Variants in CRYL1 observed in about 807,000 individuals in gnomAD.
The protein encoded by CRYL1 is lambda-crystallin homolog.
A neutral mutation model predicts 36.6 loss-of-function variants in CRYL1; 29 were observed. The observed-to-expected ratio is 0.79, with a 90% CI of 0.59 to 1.08. The LOEUF (loss-of-function observed/expected upper bound fraction) is 1.08, where lower values mean the gene tolerates loss of function less well. Ranked by LOEUF, CRYL1 falls within the 50% of genes least tolerant of loss-of-function variation. The pLI is 0.00. For synonymous variants in CRYL1, 152 were observed against 151.5 expected, an observed-to-expected ratio of 1.00 and a Z score of -0.02; for missense variants, 411 against 407.9, an observed-to-expected ratio of 1.01 and a Z score of -0.06.
intron 5 of CRYL1, chr13:20,431,036 C>T (rs773612148): frequency 4.1e-6 from 4 of 985,294 alleles, no homozygotes; most frequent in Non-Finnish European, 3.6e-6. Context: ...TCGAGGCAAC[C>T]GCGTGGCAAA....
chr13:20,446,371 C>T (rs1314822717), intron 3 of CRYL1, among the ~76,000 whole-genome samples: 1 of 152,184 alleles, frequency 6.6e-6, no homozygotes, highest in Non-Finnish European at 1.5e-5. Context: ...CTTGGTCTCC[C>T]AAAGTGCTGG....
chr13:20,447,552 A>G (rs1011056620), intron 3 of CRYL1, among the ~76,000 whole-genome samples: 2 of 152,036 alleles, frequency 1.3e-5, no homozygotes, highest in Admixed American at 1.3e-4. Flanking sequence ...ATTAGGTAAA[A>G]AGTAACAGAA....
At chr13:20,489,531 T>C in intron 2 of CRYL1, 35 bp from the exon 3 acceptor site, 1 of 1,608,614 alleles carries the variant, frequency 6.2e-7, no homozygotes, top group Non-Finnish European at 8.5e-7. Context: ...CTGTGAGTAT[T>C]CAACACCACA....
chr13:20,460,568 C>T (rs955656890), intron 3 of CRYL1, among the ~76,000 whole-genome samples: 3 of 117,614 alleles, frequency 2.6e-5, no homozygotes, highest in African/African-American at 9.8e-5. Flanking sequence ...CTCTGTCGCC[C>T]AGGCTGGAGT....
chr13:20,483,448 T>C (rs950073945), intron 3 of CRYL1, among the ~76,000 whole-genome samples: 2 of 151,768 alleles, frequency 1.3e-5, no homozygotes, highest in Admixed American at 1.3e-4. Context: ...GGACTGACCA[T>C]ATCATCAACA....
intron 3 of CRYL1, among the ~76,000 whole-genome samples, chr13:20,466,991 A>G (rs7323766): frequency 0.96 from 145,638 of 151,524 alleles, 70,253 homozygotes; most frequent in East Asian, 1. Flanking sequence ...TCTGTTGCCC[A>G]GGCTGGAGTG....
chr13:20,487,637 G>T (rs923999425), intron 3 of CRYL1, among the ~76,000 whole-genome samples: 1 of 152,042 alleles, frequency 6.6e-6, no homozygotes, highest in Admixed American at 6.6e-5. Flanking sequence ...CTCACGGCTG[G>T]GAACAGTGGT....
At chr13:20,404,352 A>C (rs1213956471) in intron 7 of CRYL1, 110 bp from the exon 8 acceptor site, 6 of 739,994 alleles carry the variant, frequency 8.1e-6, no homozygotes, top group Non-Finnish European at 1.4e-5. Flanking sequence ...TTCAAAGACA[A>C]AAGCAATAAA....
chr13:20,434,567 C>G (rs1185600247), intron 4 of CRYL1, among the ~76,000 whole-genome samples: 1 of 135,738 alleles, frequency 7.4e-6, no homozygotes, highest in African/African-American at 2.7e-5. Context: ...CTGGTCACTC[C>G]CCCCACCCAC....
At chr13:20,494,023 G>C (rs1398639430) in intron 2 of CRYL1, among the ~76,000 whole-genome samples, 1 of 152,150 alleles carries the variant, frequency 6.6e-6, no homozygotes, top group Non-Finnish European at 1.5e-5. Flanking sequence ...AGCCTGAAAG[G>C]GCCTAGCGCA....
chr13:20,480,324 T>C (rs1056519046), intron 3 of CRYL1, among the ~76,000 whole-genome samples: 1 of 150,608 alleles, frequency 6.6e-6, no homozygotes, highest in Non-Finnish European at 1.5e-5. Flanking sequence ...GAGGTTGCAG[T>C]AAGCCAAGAT....
Position 20,404,665 on chromosome 13 carries a change from A to C in CRYL1, c.816T>G (p.Phe272Leu). The C allele has an allele frequency of 6.2e-7, 1 of 1,613,864 alleles. No individual in the cohort carries two copies. Among genetic ancestry groups the C allele is most frequent in the Non-Finnish European group, 8.5e-7 (1 of 1,179,724 alleles). Residue 272 changes from phenylalanine (F) to leucine (L), a missense_variant, in exon 7 of 8, where the codon TTT becomes TTG. Coordinates refer to ENST00000298248, the MANE Select transcript of CRYL1 (RefSeq NM_015974.3). ...VLQTFGPIPEFSRATAEKVNQ... is the reference protein window; with the variant it reads ...VLQTFGPIPELSRATAEKVNQ... Reference sequence around the variant, plus strand: ...TAACCTTCTCAGCAGTGGCCCTGGAAAACTCTGGAATGGGTCCAAAAGTCT... The same window carrying C: ...TAACCTTCTCAGCAGTGGCCCTGGACAACTCTGGAATGGGTCCAAAAGTCT...
In CRYL1 at chr13:20,417,535, G is replaced by T. The variant is rs191692139; in HGVS notation, c.634-4148C>A. Among the ~76,000 whole-genome samples, 143 of 152,216 alleles carry T rather than the reference G, an allele frequency of 9.4e-4. No homozygotes were observed. In the East Asian group the frequency reaches 0.021, roughly 22 times the overall value. ...TCTCAAGTCACACATACAAAGAAAAGATTATTTAAAAATCATACAAAGCAA... is the reference window on the plus strand; with the variant it reads ...TCTCAAGTCACACATACAAAGAAAATATTATTTAAAAATCATACAAAGCAA... On this transcript the variant is annotated intron_variant, in intron 5 of 7. Transcript: ENST00000298248.
intron 3 of CRYL1, among the ~76,000 whole-genome samples, chr13:20,445,444 C>T (rs1429243816): frequency 6.6e-6 from 1 of 152,206 alleles, no homozygotes; most frequent in African/African-American, 2.4e-5. Context: ...GACCAGTCTT[C>T]ACAAGGACTG....
intron 3 of CRYL1, among the ~76,000 whole-genome samples, chr13:20,452,467 C>T (rs112432571): frequency 3.3e-5 from 5 of 152,120 alleles, no homozygotes; most frequent in South Asian, 2.1e-4. Context: ...ATACACTAAA[C>T]GGGTCAATTT....
intron 5 of CRYL1, among the ~76,000 whole-genome samples, chr13:20,427,966 A>G (rs2031970035): frequency 6.6e-6 from 1 of 152,156 alleles, no homozygotes; most frequent in Non-Finnish European, 1.5e-5. Flanking sequence ...AAACTCAATC[A>G]AGATGAAACA....
At chr13:20,506,198 C>T (rs1271346992) in intron 2 of CRYL1, among the ~76,000 whole-genome samples, 1 of 152,186 alleles carries the variant, frequency 6.6e-6, no homozygotes, top group Non-Finnish European at 1.5e-5. Context: ...GGTAGTTGGT[C>T]ACAAGATATC....
chr13:20,507,835 A>C (rs2872445), intron 2 of CRYL1, among the ~76,000 whole-genome samples: 4 of 151,062 alleles, frequency 2.6e-5, no homozygotes, highest in Non-Finnish European at 5.9e-5. Context: ...GGAGAATGGC[A>C]TGAACCTGGG....
In CRYL1 at chr13:20,512,530, C is replaced by T. The variant is rs1186435536; in HGVS notation, c.62G>A (p.Trp21Ter). 6.2e-7 allele frequency: 1 copy of T among 1,613,822 alleles called. No individual in the cohort carries two copies. Among genetic ancestry groups the T allele is most frequent in the Non-Finnish European group, 8.5e-7 (1 of 1,179,816 alleles). Residue 21 changes from tryptophan to a stop codon, truncating the protein, a stop_gained, in exon 2 of 8, where the codon TGG becomes TAG. Transcript: ENST00000298248. LOFTEE classifies it high-confidence loss of function. ...IVGSGVIGRSWAMLFASGGFQ... is the reference protein window; with the variant it reads ...IVGSGVIGRS Reference sequence around the variant, plus strand: ...GCCTCCACTGGCAAACAGCATGGCCCAGCTTCGCCCAATGACTCCACTGAA... The same window carrying T: ...GCCTCCACTGGCAAACAGCATGGCCTAGCTTCGCCCAATGACTCCACTGAA...
Sources: allele counts gnomAD v4.1 joint callset (sites outside exome capture counted in the v4.1 genomes callset), GRCh38; gene constraint gnomAD v4.1.1; transcripts MANE v1.5; gene names NCBI Gene and HGNC (gene_info 2026-07-23, HGNC 2026-07-21).